The following GNAL variants were observed in gnomAD, a reference collection of about 807,000 sequenced individuals.
GNAL encodes the protein guanine nucleotide-binding protein G(olf) subunit alpha.
A neutral mutation model predicts 55.1 loss-of-function variants in GNAL; 18 were observed. That is an observed-to-expected ratio of 0.33 (90% CI 0.23 to 0.48). The LOEUF is 0.48. GNAL is among the 20% of genes least tolerant of loss of function. The probability of loss-of-function intolerance (pLI) is 0.99; values close to 1 mark genes in which losing one functional copy is unlikely to be tolerated. For missense variants in GNAL, 412 were observed against 614.1 expected (o/e 0.67, Z 3.48); for synonymous variants, 253 against 237.0 (o/e 1.07, Z -0.62).
intron 1 of GNAL, among the ~76,000 whole-genome samples, chr18:11,736,406 A>G (rs1598419899): frequency 1.3e-5 from 2 of 152,230 alleles, no homozygotes; most frequent in South Asian, 4.1e-4. Context: ...ATTATTTTTT[A>G]AAGATACTTC....
At chr18:11,740,492 A>G (rs1397119669) in intron 1 of GNAL, among the ~76,000 whole-genome samples, 5 of 152,194 alleles carry the variant, frequency 3.3e-5, no homozygotes, top group African/African-American at 4.8e-5. Flanking sequence ...AAACATACAC[A>G]GGCTCACAAA....
intron 5 of GNAL, among the ~76,000 whole-genome samples, chr18:11,837,116 G>A (rs779729750): frequency 3.4e-4 from 51 of 152,090 alleles, no homozygotes; most frequent in Non-Finnish European, 6.3e-4. Context: ...ACCACGCCCA[G>A]TTAATTTTTG....
chr18:11,829,169 A>G (rs1294084766), intron 5 of GNAL, among the ~76,000 whole-genome samples: 2 of 152,246 alleles, frequency 1.3e-5, no homozygotes, highest in Non-Finnish European at 1.5e-5. Flanking sequence ...TGTCAGGAAT[A>G]AAACACCTTT....
At chr18:11,784,690 T>TA (rs1486742704) in intron 4 of GNAL, among the ~76,000 whole-genome samples, 1 of 152,202 alleles carries the variant, frequency 6.6e-6, no homozygotes, top group Non-Finnish European at 1.5e-5. Flanking sequence ...TGTGTGTGTT[T>TA]AAAAGGAATG....
intron 4 of GNAL, among the ~76,000 whole-genome samples, chr18:11,777,523 A>C (rs2033817384): frequency 6.6e-6 from 1 of 152,214 alleles, no homozygotes; most frequent in Admixed American, 6.5e-5. Flanking sequence ...TGATCTTCTA[A>C]GCAATATCTT....
At chr18:11,747,850 G>C (rs534110268) in intron 1 of GNAL, among the ~76,000 whole-genome samples, 2 of 152,176 alleles carry the variant, frequency 1.3e-5, no homozygotes, top group African/African-American at 2.4e-5. Flanking sequence ...TGGCTCTGGC[G>C]CAGTCAGCCT....
At chr18:11,799,993 T>C (rs2034482848) in intron 4 of GNAL, among the ~76,000 whole-genome samples, 1 of 152,138 alleles carries the variant, frequency 6.6e-6, no homozygotes, top group Non-Finnish European at 1.5e-5. Context: ...GTCATATATC[T>C]CTACCCTTTA....
At chr18:11,729,613 T>C (rs1218916615) in intron 1 of GNAL, among the ~76,000 whole-genome samples, 2 of 152,258 alleles carry the variant, frequency 1.3e-5, no homozygotes, top group South Asian at 4.1e-4. Flanking sequence ...TTCACTTAAA[T>C]GCATTAGCAG....
At chr18:11,789,116 G>C (rs2034158584) in intron 4 of GNAL, among the ~76,000 whole-genome samples, 1 of 151,432 alleles carries the variant, frequency 6.6e-6, no homozygotes, top group Non-Finnish European at 1.5e-5. Context: ...CTGTTTTCTT[G>C]GGCCTCCTTC....
At chr18:11,788,916 T>TATAC (rs2034147889) in intron 4 of GNAL, among the ~76,000 whole-genome samples, 1 of 82,012 alleles carries the variant, frequency 1.2e-5, no homozygotes, top group Non-Finnish European at 2.3e-5. Context: ...AAAAAAAAAA[T>TATAC]ATATATATAT....
intron 4 of GNAL, among the ~76,000 whole-genome samples, chr18:11,806,512 T>C (rs1240789716): frequency 6.6e-6 from 1 of 152,172 alleles, no homozygotes; most frequent in Non-Finnish European, 1.5e-5. Flanking sequence ...CTTCAGTCGA[T>C]TTTTGTATAT....
At chr18:11,737,063 C>T (rs190093423) in intron 1 of GNAL, among the ~76,000 whole-genome samples, 1 of 152,296 alleles carries the variant, frequency 6.6e-6, no homozygotes, top group Admixed American at 6.5e-5. Context: ...ACTATTCTTT[C>T]TGTGAGCTTG....
rs572088969 is a variant in GNAL at position 11,847,008 on chromosome 18, TTAA to T, written c.723-15384_723-15382del. Among the ~76,000 whole-genome samples the T allele has an allele frequency of 5.0e-4, 75 of 151,440 alleles. No individual in the cohort carries two copies. The South Asian group carries it at 0.015, about 31-fold the overall frequency. ...ATACATTTAATACATGTGTAATAAA[TTAA>T]TATTATATATGTATGTAATGTATAA... On this transcript the variant is annotated intron_variant, in intron 5 of 11. Transcript: ENST00000334049.
In GNAL at chr18:11,881,415, C is replaced by T. The variant is rs1228187559; in HGVS notation, c.*280C>T. 4 of 353,852 alleles carry T rather than the reference C, an allele frequency of 1.1e-5. No individual in the cohort carries two copies. Among genetic ancestry groups the T allele is most frequent in the Non-Finnish European group, 1.6e-5 (3 of 190,162 alleles). 21.9% of individuals were successfully genotyped at this position (353,852 alleles called of 1,614,324 possible). A position where few individuals can be genotyped will look rare whatever the true frequency, so the allele number is the denominator to read the frequency against. On this transcript the variant is annotated 3_prime_UTR_variant, in exon 12 of 12. Transcript: ENST00000334049. The surrounding 1 kb of genome is among the most constrained non-coding windows in gnomAD (Gnocchi z 4.8). ...CCGGGTGGGAGCCCCATTATTCATT[C>T]TCCCTTTATTGATTCATCGAGGAGA...
chr18:11,827,343 T>C (rs944006541), intron 5 of GNAL, among the ~76,000 whole-genome samples: 1 of 152,252 alleles, frequency 6.6e-6, no homozygotes, highest in Non-Finnish European at 1.5e-5. Context: ...CCGGGCATGA[T>C]GGCTCATGCC....
chr18:11,820,506 T>C (rs902308871), intron 4 of GNAL, among the ~76,000 whole-genome samples: 2 of 152,254 alleles, frequency 1.3e-5, no homozygotes, highest in Non-Finnish European at 2.9e-5. Flanking sequence ...TAACATGATA[T>C]GCTGCCTTAT....
intron 1 of GNAL, among the ~76,000 whole-genome samples, chr18:11,695,256 C>T (rs1231787709): frequency 2.6e-5 from 4 of 152,168 alleles, no homozygotes; most frequent in Non-Finnish European, 1.5e-5. Flanking sequence ...AGCATTTGCT[C>T]AAATTAATAA....
At position 11,752,364 on chromosome 18, in the gene GNAL, C is replaced by A; in HGVS notation, c.377-489C>A. The A allele has an allele frequency of 6.6e-7, 1 of 1,525,334 alleles. No individual in the cohort carries two copies. Among genetic ancestry groups the A allele is most frequent in the Non-Finnish European group, 8.8e-7 (1 of 1,140,274 alleles). 94.5% of individuals were successfully genotyped at this position (1,525,334 alleles called of 1,614,324 possible). ...GAGAGGAGCCGTCGCAGGAGCCGCA[C>A]ACGTCTCCAACTCTCTATTGCTTTT... is the stretch of plus-strand genomic sequence containing the variant. On this transcript the variant is annotated intron_variant, in intron 1 of 11. Transcript: ENST00000334049. This position sits in a 1 kb window ranked among gnomAD's most constrained non-coding sequence, Gnocchi z 4.5.
chr18:11,846,982 C>T (rs984853268), intron 5 of GNAL, among the ~76,000 whole-genome samples: 11 of 151,586 alleles, frequency 7.3e-5, no homozygotes, highest in African/African-American at 2.7e-4. Flanking sequence ...TATATATATA[C>T]ATACATTTAA....
Sources: allele counts gnomAD v4.1 joint callset (sites outside exome capture counted in the v4.1 genomes callset), GRCh38; gene constraint gnomAD v4.1.1; non-coding constraint Gnocchi (gnomAD v3.1); transcripts MANE v1.5; gene names NCBI Gene and HGNC (gene_info 2026-07-23, HGNC 2026-07-21).